The following ACCSL variants were observed in gnomAD, a reference collection of about 807,000 sequenced individuals.
ACCSL encodes probable inactive 1-aminocyclopropane-1-carboxylate synthase-like protein 2.
In ACCSL, 55 loss-of-function variants were observed where a neutral mutation model predicts 61.7. That is an observed-to-expected ratio of 0.89 (90% CI 0.72 to 1.12). The LOEUF (loss-of-function observed/expected upper bound fraction) is 1.12. Among genes scored for constraint, ACCSL ranks in the 50% most tolerant of loss-of-function variants. The probability of loss-of-function intolerance (pLI) is 0.00; values close to 1 mark genes in which losing one functional copy is unlikely to be tolerated. For missense variants in ACCSL, 632 were observed against 698.0 expected, an observed-to-expected ratio of 0.91 and a Z score of 1.07; for synonymous variants, 258 against 264.3, an observed-to-expected ratio of 0.98 and a Z score of 0.23.
the ACCSL span, among the ~76,000 whole-genome samples, chr11:43,979,004 A>G: frequency 2.8e-4 from 42 of 151,988 alleles, no homozygotes; most frequent in Non-Finnish European, 4.3e-4. Flanking sequence ...TTGTTCTTGG[A>G]TAAGGAATGT....
chr11:44,011,945 T>G, the ACCSL span, among the ~76,000 whole-genome samples: 1 of 152,190 alleles, frequency 6.6e-6, no homozygotes, highest in African/African-American at 2.4e-5. Flanking sequence ...GAATACTTGC[T>G]CCAATACTGC....
chr11:44,045,673 G>C (rs1224031970), upstream of ACCSL, among the ~76,000 whole-genome samples: 1 of 152,174 alleles, frequency 6.6e-6, no homozygotes, highest in African/African-American at 2.4e-5. Context: ...GTCCCCGGCT[G>C]AGTGCTTGGT....
At position 44,058,591 on chromosome 11, in the gene ACCSL, C is replaced by T. The variant is rs779697225; in HGVS notation, c.1516C>T (p.Arg506Cys). 38 of 1,614,082 alleles carry T rather than the reference C, an allele frequency of 2.4e-5. No individual in the cohort carries two copies. In the East Asian group the frequency reaches 3.8e-4, roughly 16 times the overall value. ...TGAAGAAGAACGGCTCCTCTATTGC[C>T]GCTTCCTGGACAACAAGCTATTGTT... ...TFEEERLLYC[R>C]FLDNKLLLSR... Residue 506 changes from arginine (R) to cysteine (C), a missense_variant, in exon 13 of 14, where the codon CGC (arginine) becomes TGC (cysteine). Transcript: ENST00000378832.
At chr11:43,969,382 A>T in the ACCSL span, among the ~76,000 whole-genome samples, 12,653 of 152,130 alleles carry the variant, frequency 0.083, 833 homozygotes, top group Admixed American at 0.23. Flanking sequence ...TAATAAAAAA[A>T]TTTTTTAAAC....
the ACCSL span, among the ~76,000 whole-genome samples, chr11:43,993,062 C>T: frequency 7.1e-6 from 1 of 140,956 alleles, no homozygotes; most frequent in Admixed American, 7.1e-5. Context: ...TGTTTGTGTG[C>T]TAGAGCGGAA....
chr11:44,050,450 G>T, intron 2 of ACCSL, 102 bp from the exon 3 acceptor site: 2 of 974,698 alleles, frequency 2.1e-6, no homozygotes, highest in Non-Finnish European at 3.2e-6. Flanking sequence ...TTTCTAGGAG[G>T]TCATGTATGT....
At chr11:44,002,457 G>A in the ACCSL span, among the ~76,000 whole-genome samples, 1 of 152,166 alleles carries the variant, frequency 6.6e-6, no homozygotes, top group Admixed American at 6.5e-5. Flanking sequence ...TCTGATGGTC[G>A]AGCACACCAC....
chr11:44,037,481 C>T, the ACCSL span, among the ~76,000 whole-genome samples: 2 of 152,378 alleles, frequency 1.3e-5, no homozygotes, highest in South Asian at 2.1e-4. Context: ...CTCCTCTCAC[C>T]CGCTGCTTCT....
the ACCSL span, among the ~76,000 whole-genome samples, chr11:43,952,672 A>G: frequency 6.6e-6 from 1 of 152,170 alleles, no homozygotes; most frequent in Admixed American, 6.6e-5. Flanking sequence ...GTAAGCCCTT[A>G]AAAGGGACAG....
the ACCSL span, among the ~76,000 whole-genome samples, chr11:44,020,031 T>C: frequency 6.6e-6 from 1 of 152,220 alleles, no homozygotes; most frequent in Non-Finnish European, 1.5e-5. Flanking sequence ...CTGAATTATC[T>C]TGGCACCCTT....
At chr11:43,945,199 C>T in the ACCSL span, 1 of 152,244 alleles carries the variant, frequency 6.6e-6, no homozygotes, top group Non-Finnish European at 1.5e-5. Flanking sequence ...GGTGGGGTAT[C>T]ATGGCAGGAG....
At chr11:44,059,067 CCT>C (rs1952690383) in intron 13 of ACCSL, among the ~76,000 whole-genome samples, 1 of 152,074 alleles carries the variant, frequency 6.6e-6, no homozygotes. Flanking sequence ...ATGGTAAAAC[CCT>C]GTCTCTACTA....
chr11:44,052,599 G>T (rs756675485), intron 5 of ACCSL, 63 bp from the exon 6 acceptor site: 4 of 1,424,258 alleles, frequency 2.8e-6, no homozygotes, highest in Admixed American at 3.5e-5. Flanking sequence ...AGTTTGGGGA[G>T]CCTGGCAACA....
the ACCSL span, among the ~76,000 whole-genome samples, chr11:43,990,905 T>C: frequency 1.3e-5 from 2 of 152,020 alleles, no homozygotes; most frequent in Admixed American, 1.3e-4. Flanking sequence ...ATCCTGCCTC[T>C]ACTAAAAATG....
the ACCSL span, among the ~76,000 whole-genome samples, chr11:43,987,866 T>C: frequency 1.3e-5 from 2 of 152,196 alleles, no homozygotes; most frequent in African/African-American, 2.4e-5. Context: ...GGAACAATAA[T>C]GTGCGTTTGG....
the ACCSL span, among the ~76,000 whole-genome samples, chr11:44,012,082 TCTC>T: frequency 1.3e-5 from 2 of 151,928 alleles, no homozygotes; most frequent in Non-Finnish European, 2.9e-5. Context: ...GCCAAAGTCT[TCTC>T]CTGGATGATC....
At chr11:44,059,724 T>G in intron 13 of ACCSL, 114 bp from the exon 14 acceptor site, 1 of 778,848 alleles carries the variant, frequency 1.3e-6, no homozygotes, top group South Asian at 1.9e-5. Context: ...GGGCTGAAGT[T>G]CAGGATCCCT....
chr11:43,925,899 C>G, the ACCSL span, among the ~76,000 whole-genome samples: 1 of 152,162 alleles, frequency 6.6e-6, no homozygotes, highest in African/African-American at 2.4e-5. Context: ...CAGTAACCCA[C>G]TTAGTAATAT....
At chr11:43,944,897 A>C in the ACCSL span, 1 of 152,708 alleles carries the variant, frequency 6.5e-6, no homozygotes, top group Non-Finnish European at 1.5e-5. Context: ...TGACAGGTTT[A>C]GGGCTCCTGC....
Sources: allele counts gnomAD v4.1 joint callset (sites outside exome capture counted in the v4.1 genomes callset), GRCh38; gene constraint gnomAD v4.1.1; transcripts MANE v1.5; gene names NCBI Gene and HGNC (gene_info 2026-07-23, HGNC 2026-07-21).